The following FSTL5 variants were observed in gnomAD, a reference collection of about 807,000 sequenced individuals.
The protein encoded by FSTL5 is follistatin like 5.
A neutral mutation model predicts 89.1 loss-of-function variants in FSTL5; 62 were observed. The ratio of observed to expected loss-of-function variants is 0.70; its 90% CI spans 0.57 to 0.86. FSTL5 has a LOEUF of 0.86. Among genes scored for constraint, FSTL5 ranks in the 40% least tolerant of loss-of-function variants. The pLI is 0.00. For synonymous variants in FSTL5, 383 were observed against 346.2 expected (o/e 1.11, Z -1.18); for missense variants, 1,057 against 1,001.6 (o/e 1.06, Z -0.75).
At chr4:161,623,647 G>A (rs1735216530) in intron 7 of FSTL5, among the ~76,000 whole-genome samples, 2 of 151,038 alleles carry the variant, frequency 1.3e-5, no homozygotes, top group Admixed American at 1.3e-4. Context: ...TTTTTTCTGT[G>A]ACACAACTGC....
intron 15 of FSTL5, among the ~76,000 whole-genome samples, chr4:161,405,565 A>G (rs1463610003): frequency 6.6e-6 from 1 of 152,188 alleles, no homozygotes; most frequent in Non-Finnish European, 1.5e-5. Context: ...AAACACTAAC[A>G]AGTGTACCAA....
At chr4:161,943,538 C>CTTTTTTTTTTTTTTTTT (rs77101651) in intron 3 of FSTL5, among the ~76,000 whole-genome samples, 1 of 34,342 alleles carries the variant, frequency 2.9e-5, no homozygotes, top group African/African-American at 1.2e-4. Flanking sequence ...ACCACTGTAT[C>CTTTTTTTTTTTTTTTTT]TTTTTTTTTT....
chr4:161,887,037 A>T (rs1219219578), intron 4 of FSTL5, among the ~76,000 whole-genome samples: 1 of 152,148 alleles, frequency 6.6e-6, no homozygotes, highest in South Asian at 2.1e-4. Context: ...GTAGTTCACA[A>T]GAAATGCAAT....
intron 2 of FSTL5, among the ~76,000 whole-genome samples, chr4:162,088,585 T>C (rs1368637774): frequency 6.6e-6 from 1 of 152,132 alleles, no homozygotes; most frequent in Non-Finnish European, 1.5e-5. Context: ...ATAGACTAGA[T>C]GATTTTTAAC....
At chr4:161,661,160 T>C (rs1736694663) in intron 6 of FSTL5, among the ~76,000 whole-genome samples, 1 of 152,164 alleles carries the variant, frequency 6.6e-6, no homozygotes, top group African/African-American at 2.4e-5. Flanking sequence ...AAAAGGATGA[T>C]TTTAGGAACT....
chr4:162,055,795 A>G (rs1027815888), intron 2 of FSTL5, among the ~76,000 whole-genome samples: 4 of 151,922 alleles, frequency 2.6e-5, no homozygotes, highest in African/African-American at 9.7e-5. Flanking sequence ...GAGACACAAG[A>G]AATACAATAT....
intron 8 of FSTL5, among the ~76,000 whole-genome samples, chr4:161,575,652 C>A (rs1238340752): frequency 6.6e-6 from 1 of 151,972 alleles, no homozygotes; most frequent in Non-Finnish European, 1.5e-5. Flanking sequence ...CAGGGTTTCA[C>A]CATCTTGGCC....
rs893085480 is a variant in FSTL5, at chr4:161,521,551, T to C, written c.1313-11127A>G. On this transcript the variant is annotated intron_variant, in intron 10 of 15. Coordinates refer to ENST00000306100, the MANE Select transcript of FSTL5 (RefSeq NM_020116.5). Reference sequence around the variant, plus strand: ...AAGTAACATCAATATCTAAGCCTGGTTAAAGAAAAACTGGTGGCCGGGCGC... The same window carrying C: ...AAGTAACATCAATATCTAAGCCTGGCTAAAGAAAAACTGGTGGCCGGGCGC... Among the ~76,000 whole-genome samples the C allele has an allele frequency of 3.3e-5, 5 of 151,742 alleles. No homozygotes were observed. In the South Asian group the frequency reaches 1.0e-3, roughly 32 times the overall value.
chr4:161,530,515 A>T (rs1731375358), intron 10 of FSTL5, among the ~76,000 whole-genome samples: 1 of 151,754 alleles, frequency 6.6e-6, no homozygotes, highest in Non-Finnish European at 1.5e-5. Context: ...CAAAATATTA[A>T]TTTTTTAGAA....
chr4:161,790,421 G>A (rs1276180505), intron 4 of FSTL5, among the ~76,000 whole-genome samples: 1 of 152,204 alleles, frequency 6.6e-6, no homozygotes, highest in Non-Finnish European at 1.5e-5. Context: ...CTTGACAAGT[G>A]TAGGGCAGCC....
At chr4:162,020,965 G>A (rs758745676) in intron 3 of FSTL5, among the ~76,000 whole-genome samples, 3 of 151,970 alleles carry the variant, frequency 2.0e-5, no homozygotes, top group South Asian at 2.1e-4. Flanking sequence ...ATAAAAGTGA[G>A]TAAAATTAAT....
Position 161,998,857 on chromosome 4 carries a change from A to AACACAC in FSTL5, c.160+34762_160+34767dup, listed in dbSNP as rs10585971. Among the ~76,000 whole-genome samples, 606 of 146,574 alleles carry AACACAC rather than the reference A, an allele frequency of 4.1e-3. 3 individuals carry two copies. The highest frequency in any genetic ancestry group is 0.014 in the Middle Eastern group (4 of 282). ...TGGTGAAGCAGTTAAACACACACAC[A>AACACAC]ACACACACACACACACACACACACA... is the stretch of plus-strand genomic sequence containing the variant. On this transcript the variant is annotated intron_variant, in intron 3 of 15. Transcript: ENST00000306100.
At chr4:162,003,889 A>G (rs1470014880) in intron 3 of FSTL5, among the ~76,000 whole-genome samples, 1 of 152,286 alleles carries the variant, frequency 6.6e-6, no homozygotes, top group East Asian at 1.9e-4. Context: ...TAGTTTGTGC[A>G]TGATTGTGCT....
At chr4:161,427,149 T>C (rs10007718) in intron 15 of FSTL5, among the ~76,000 whole-genome samples, 126 of 152,354 alleles carry the variant, frequency 8.3e-4, no homozygotes, top group African/African-American at 3.0e-3. Context: ...TAAATTTCCT[T>C]AGAAAAGGCT....
intron 2 of FSTL5, among the ~76,000 whole-genome samples, chr4:162,037,658 AT>A (rs1737794394): frequency 6.6e-6 from 1 of 151,908 alleles, no homozygotes; most frequent in Admixed American, 6.6e-5. Flanking sequence ...CTGTCTAAAT[AT>A]TCTATAAACA....
At chr4:161,755,420 G>A (rs948845439) in intron 6 of FSTL5, among the ~76,000 whole-genome samples, 5 of 151,764 alleles carry the variant, frequency 3.3e-5, no homozygotes, top group African/African-American at 1.2e-4. Context: ...TCCTGTTTGC[G>A]GATTACCCTT....
At chr4:162,051,340 G>C (rs549217235) in intron 2 of FSTL5, among the ~76,000 whole-genome samples, 1 of 151,356 alleles carries the variant, frequency 6.6e-6, no homozygotes, top group East Asian at 1.9e-4. Context: ...TGGAGAGATA[G>C]GTAGATAAAT....
chr4:161,657,612 A>C (rs1009239191), intron 6 of FSTL5, among the ~76,000 whole-genome samples: 6 of 152,024 alleles, frequency 3.9e-5, no homozygotes, highest in Admixed American at 3.3e-4. Flanking sequence ...TCAGCATTCT[A>C]CCACTTTGTC....
At chr4:161,447,652 T>C (rs777073190) in intron 15 of FSTL5, among the ~76,000 whole-genome samples, 7 of 152,122 alleles carry the variant, frequency 4.6e-5, no homozygotes, top group Non-Finnish European at 1.0e-4. Context: ...ATTGAAAGTA[T>C]TGCTTAAAAT....
Sources: allele counts gnomAD v4.1 joint callset (sites outside exome capture counted in the v4.1 genomes callset), GRCh38; gene constraint gnomAD v4.1.1; transcripts MANE v1.5; gene names NCBI Gene and HGNC (gene_info 2026-07-23, HGNC 2026-07-21).